SRGAP2: variants seen among roughly 807,000 people sequenced by gnomAD.
The protein encoded by SRGAP2 is SLIT-ROBO Rho GTPase activating protein 2.
In SRGAP2, 15 loss-of-function variants were observed where a neutral mutation model predicts 57.2. The observed-to-expected ratio is 0.26, with a 90% CI of 0.18 to 0.40. SRGAP2 has a LOEUF of 0.40. Ranked by LOEUF, SRGAP2 falls within the 10% of genes least tolerant of loss-of-function variation. SRGAP2 has a pLI of 1.00. For synonymous variants in SRGAP2, 249 were observed against 248.0 expected (o/e 1.00, Z -0.04); for missense variants, 520 against 669.6 (o/e 0.78, Z 2.47).
At chr1:206,440,618 G>T (rs75409515) in intron 17 of SRGAP2, among the ~76,000 whole-genome samples, 6,798 of 152,116 alleles carry the variant, frequency 0.045, 245 homozygotes, top group South Asian at 0.19. Flanking sequence ...AGCGATCTTG[G>T]CTTACTGCAA....
intron 2 of SRGAP2, among the ~76,000 whole-genome samples, chr1:206,292,773 C>G (rs1186686755): frequency 8.0e-5 from 12 of 150,708 alleles, no homozygotes; most frequent in East Asian, 3.9e-4. Flanking sequence ...TAACTGCCAT[C>G]TATAATATTT....
At position 206,453,190 on chromosome 1, in the gene SRGAP2, C is replaced by T. The variant is rs562807062; in HGVS notation, c.2180-10C>T. On this transcript the variant is annotated splice_polypyrimidine_tract_variant and intron_variant, in intron 19 of 22. Transcript: ENST00000573034. ...AGAACATGTGTTTACTTCTTTTCCA[C>T]CCTTCTCAGAATGTGAGCCCATCGA... 1.2e-5 allele frequency: 6 copies of T among 494,050 alleles called. No individual in the cohort carries two copies. The highest frequency in any genetic ancestry group is 8.0e-5 in the African/African-American group (4 of 50,148). The allele number at this position is 494,050 out of a possible 1,614,324, so 30.6% of individuals were successfully genotyped here. A position where few individuals can be genotyped will look rare whatever the true frequency, so the allele number is the denominator to read the frequency against.
intron 17 of SRGAP2, among the ~76,000 whole-genome samples, chr1:206,441,264 T>G (rs1319243584): frequency 6.6e-6 from 1 of 152,114 alleles, no homozygotes; most frequent in Non-Finnish European, 1.5e-5. Flanking sequence ...ATCCAACCCT[T>G]AAGGGAGAAA....
intron 2 of SRGAP2, among the ~76,000 whole-genome samples, chr1:206,220,522 TTC>T (rs1245371636): frequency 2.6e-5 from 4 of 152,166 alleles, no homozygotes; most frequent in African/African-American, 9.7e-5. Flanking sequence ...CCTCGGACAG[TTC>T]TTCAGTGTTA....
intron 11 of SRGAP2, among the ~76,000 whole-genome samples, chr1:206,416,294 A>T (rs1218857649): frequency 6.6e-6 from 1 of 152,100 alleles, no homozygotes; most frequent in African/African-American, 2.4e-5. Flanking sequence ...TTCTCCAGAC[A>T]CTTTGTTAAA....
intron 14 of SRGAP2, among the ~76,000 whole-genome samples, chr1:206,435,217 G>A (rs558940494): frequency 1.3e-5 from 2 of 152,176 alleles, no homozygotes; most frequent in East Asian, 3.9e-4. Flanking sequence ...TATCAGTCCC[G>A]GCCTATGTGG....
At chr1:206,310,440 T>G (rs1323121250) in intron 3 of SRGAP2, among the ~76,000 whole-genome samples, 17 of 152,322 alleles carry the variant, frequency 1.1e-4, no homozygotes, top group Non-Finnish European at 2.4e-4. Flanking sequence ...ATCCCTCACC[T>G]GATATATTTT....
chr1:206,340,559 C>G (rs1675108109), intron 3 of SRGAP2, among the ~76,000 whole-genome samples: 1 of 152,096 alleles, frequency 6.6e-6, no homozygotes, highest in Admixed American at 6.5e-5. Flanking sequence ...TAGATTGAAA[C>G]CAGTTGTCAA....
intron 15 of SRGAP2, 61 bp from the exon 16 acceptor site, chr1:206,437,903 G>A (rs1007826274): frequency 3.6e-5 from 28 of 774,892 alleles, no homozygotes; most frequent in African/African-American, 1.2e-4. Flanking sequence ...CCCCACGTTC[G>A]TCCTGTGTGT....
At position 206,283,462 on chromosome 1, in the gene SRGAP2, C is replaced by T. The variant is rs1384905926; in HGVS notation, c.68-19819C>T. Among the ~76,000 whole-genome samples the T allele has an allele frequency of 2.6e-5, 4 of 152,072 alleles. No homozygotes were observed. In the East Asian group the frequency reaches 7.7e-4, roughly 29 times the overall value. On this transcript the variant is annotated intron_variant, in intron 2 of 22. Transcript: ENST00000573034. Reference sequence around the variant, plus strand: ...GCTGAGGCAGGTAGATCACTTGAGACCAGGAGTTCAAGACCAACCTGGCCA... The same window carrying T: ...GCTGAGGCAGGTAGATCACTTGAGATCAGGAGTTCAAGACCAACCTGGCCA...
chr1:206,341,447 G>A lies in SRGAP2; in HGVS notation c.261-1399G>A, dbSNP rs1270093049. On this transcript the variant is annotated intron_variant, in intron 3 of 22. Coordinates refer to ENST00000573034, the MANE Select transcript of SRGAP2 (RefSeq NM_015326.5). ...TGGGCAAAGTGTTTAAAAATTTTTA[G>A]TCTACTTTTCCTCATCTGCCAAATG... Among the ~76,000 whole-genome samples the A allele has an allele frequency of 1.3e-5, 2 of 151,900 alleles. 1 individual carries two copies. Among genetic ancestry groups the A allele is most frequent in the Middle Eastern group, 6.3e-3 (2 of 316 alleles).
At chr1:206,275,610 A>C (rs1363177546) in intron 2 of SRGAP2, among the ~76,000 whole-genome samples, 1 of 140,484 alleles carries the variant, frequency 7.1e-6, no homozygotes, top group Non-Finnish European at 1.5e-5. Flanking sequence ...AATTTTTTAA[A>C]TTTAAATTTT....
Position 206,461,745 on chromosome 1 carries a change from A to T in SRGAP2, c.*325A>T. 1 of 263,458 alleles carries T rather than the reference A, an allele frequency of 3.8e-6. No homozygotes were observed. The highest frequency in any genetic ancestry group is 7.3e-6 in the Non-Finnish European group (1 of 137,652). 16.3% of individuals were successfully genotyped at this position (263,458 alleles called of 1,614,324 possible). A position where few individuals can be genotyped will look rare whatever the true frequency, so the allele number is the denominator to read the frequency against. The stretch of plus-strand genomic sequence containing the variant: ...TCCTGAGGACATGGGCTCAAGTCTC[A>T]GTCCCCTCAGACCACGGTGATGCCT... On this transcript the variant is annotated 3_prime_UTR_variant, in exon 23 of 23. Coordinates refer to ENST00000573034, the MANE Select transcript of SRGAP2 (RefSeq NM_015326.5).
chr1:206,347,356 T>C (rs1361284282), intron 4 of SRGAP2, among the ~76,000 whole-genome samples: 1 of 151,578 alleles, frequency 6.6e-6, no homozygotes, highest in Admixed American at 6.6e-5. Flanking sequence ...GGTGGGCAGA[T>C]CACCTGAGGT....
chr1:206,421,162 G>A, intron 12 of SRGAP2, 88 bp from the exon 13 acceptor site: 1 of 695,314 alleles, frequency 1.4e-6, no homozygotes, highest in East Asian at 2.6e-5. Flanking sequence ...GGGTTTAAGA[G>A]TGATTGTTTA....
chr1:206,391,092 T>C (rs1346083711), intron 5 of SRGAP2, among the ~76,000 whole-genome samples: 26 of 151,756 alleles, frequency 1.7e-4, no homozygotes, highest in Non-Finnish European at 3.4e-4. Flanking sequence ...GCATGGGATG[T>C]TCAGCAGCAT....
intron 13 of SRGAP2, 128 bp from the exon 14 acceptor site, chr1:206,430,034 C>A: frequency 1.4e-6 from 1 of 694,948 alleles, no homozygotes. Flanking sequence ...GGAGGACAGG[C>A]CAGGTGCTTC....
rs375539035 is a variant in SRGAP2 at position 206,451,631 on chromosome 1, A to G, written c.2179+1166A>G. ...TCCTGATGTCATAAGGATCCATATG[A>G]TCATTTGCTACATTCGAGGAGGGGA... On this transcript the variant is annotated intron_variant, in intron 19 of 22. Transcript: ENST00000573034. Among the ~76,000 whole-genome samples, 8 of 152,298 alleles carry G rather than the reference A, an allele frequency of 5.3e-5. No individual in the cohort carries two copies. The East Asian group carries it at 1.3e-3, about 26-fold the overall frequency.
intron 17 of SRGAP2, among the ~76,000 whole-genome samples, chr1:206,441,846 A>G (rs574536554): frequency 2.3e-4 from 35 of 152,236 alleles, no homozygotes; most frequent in African/African-American, 4.8e-4. Context: ...TTGTCCCCCA[A>G]TCCTGAGGCT....
Sources: gnomAD v4.1 joint callset for allele counts (sites outside exome capture counted in the v4.1 genomes callset) on GRCh38, gnomAD v4.1.1 for gene constraint, MANE v1.5 for transcripts, NCBI Gene and HGNC (gene_info 2026-07-23, HGNC 2026-07-21) for gene names.